Variants in PLEC observed in about 807,000 individuals in gnomAD.
The protein encoded by PLEC is plectin.
In PLEC, 216 loss-of-function variants were observed where a neutral mutation model predicts 392.8. The observed-to-expected ratio is 0.55, with a 90% confidence interval of 0.49 to 0.62. The LOEUF is 0.62. Ranked by LOEUF, PLEC falls within the 20% of genes least tolerant of loss-of-function variation. The probability of loss-of-function intolerance (pLI) is 0.00; values close to 1 mark genes in which losing one functional copy is unlikely to be tolerated. For missense variants in PLEC, 6,863 were observed against 6,563.4 expected, an observed-to-expected ratio of 1.05 and a Z score of -1.58; for synonymous variants, 3,621 against 2,980.6, an observed-to-expected ratio of 1.21 and a Z score of -7.00.
upstream of PLEC, chr8:143,958,467 C>A: frequency 3.2e-6 from 1 of 315,906 alleles, no homozygotes; most frequent in South Asian, 2.4e-5. The surrounding 1 kb of genome is among the most constrained non-coding windows in gnomAD (Gnocchi z 4.9). Flanking sequence ...CATGACCATC[C>A]ATTAGGGGGC....
rs782389830 is a variant in PLEC at position 143,925,646 on chromosome 8, C to T, written c.4283G>A (p.Ser1428Asn). 9 of 1,585,168 alleles carry T rather than the reference C, an allele frequency of 5.7e-6. No homozygotes were observed. The South Asian group carries it at 1.0e-4, about 18-fold the overall frequency. The part of the protein sequence containing the change: ...IQEELQQLRQ[S>N]SEAEIQAKAR... ...CTTGGCCTGGATCTCCGCCTCCGAG[C>T]TCTGCCGCAGCTGCTGCAGCTCCTC... The change falls in exon 31 of 32, where the codon AGC becomes AAC. Residue 1428 changes from serine to asparagine, a missense_variant. Transcript: ENST00000345136.
At position 143,919,792 on chromosome 8, in the gene PLEC, C is replaced by A; in HGVS notation, c.10029G>T (p.Glu3343Asp). The A allele has an allele frequency of 6.2e-7, 1 of 1,612,806 alleles. No individual in the cohort carries two copies. Residue 3343 changes from glutamate (E) to aspartate (D), a missense_variant, in exon 32 of 32, where the codon GAG (glutamate) becomes GAT (aspartate). Coordinates refer to ENST00000345136, the MANE Select transcript of PLEC (RefSeq NM_201384.3). ...DGKTTVKDLS[E>D]LGSVRTLLQG... ...GCAGCAGCGTCCGCACGGAGCCCAG[C>A]TCCGAAAGGTCCTTGACCGTCGTCT... is the stretch of plus-strand genomic sequence containing the variant.
In PLEC at chr8:143,919,111, T is replaced by C. The variant is rs952445251; in HGVS notation, c.10710A>G (p.Thr3570=). ...TGCCGCCGCCGGGAATGTCGATCTG[T>C]GTCTCTTCAAATGCCCTTCTTGTCT... ...EEETRRAFEE[T]QIDIPGGGSH... is the part of the protein sequence containing the mutation. Residue 3570 remains threonine, a synonymous_variant, in exon 32 of 32, where the codon ACA becomes ACG. Coordinates refer to ENST00000345136, the MANE Select transcript of PLEC (RefSeq NM_201384.3). The C allele has an allele frequency of 2.5e-6, 4 of 1,612,724 alleles. No individual in the cohort carries two copies. The African/African-American group carries it at 5.3e-5, about 22-fold the overall frequency.
chr8:143,929,594 TCCACCGC>T (rs1826478921), intron 23 of PLEC, 23 bp from the exon 24 acceptor site: 1 of 1,611,520 alleles, frequency 6.2e-7, no homozygotes. Context: ...TGTGGGTCAC[TCCACCGC>T]CCACCTCGCA....
rs200686790 is a variant in PLEC at position 143,930,294 on chromosome 8, G to C, written c.2462C>G (p.Thr821Ser). The C allele has an allele frequency of 6.2e-7, 1 of 1,602,512 alleles. No homozygotes were observed. Among genetic ancestry groups the C allele is most frequent in the Non-Finnish European group, 8.5e-7 (1 of 1,178,508 alleles). The change falls in exon 21 of 32, where the codon ACT becomes AGT. Residue 821 changes from threonine (T) to serine (S), a missense_variant. By Grantham distance (58) the Thr-to-Ser change is moderately conservative. Coordinates refer to ENST00000345136, the MANE Select transcript of PLEC (RefSeq NM_201384.3). ...CTGGCACTCGTCACCCTTGTGCACA[G>C]TCACCTGGGACGGGCAGAGTCGGTG... Reference protein sequence around the residue: ...AVCDYKQVEVTVHKGDECQLV... With the variant: ...AVCDYKQVEVSVHKGDECQLV...
chr8:143,951,896 C>T (rs1222607557), upstream of PLEC, among the ~76,000 whole-genome samples: 2 of 152,142 alleles, frequency 1.3e-5, no homozygotes, highest in Admixed American at 6.5e-5. Context: ...TGCTGCCGCC[C>T]CCACTGAGGG....
upstream of PLEC, among the ~76,000 whole-genome samples, chr8:143,939,764 C>T (rs1554727204): frequency 6.6e-6 from 1 of 152,176 alleles, no homozygotes; most frequent in Admixed American, 6.5e-5. Flanking sequence ...AACAGGAAAC[C>T]GGGGTTTCCT....
intron 1 of PLEC, chr8:143,945,392 A>G (rs573726816): frequency 6.6e-4 from 212 of 322,884 alleles, no homozygotes; most frequent in African/African-American, 4.0e-3. Context: ...TGGGTCAGAG[A>G]GCCGGGCCAC....
In PLEC at chr8:143,921,838, G is replaced by T. The variant is rs376058402; in HGVS notation, c.7983C>A (p.Ala2661=). 2.5e-6 allele frequency: 4 copies of T among 1,605,830 alleles called. No individual in the cohort carries two copies. ...GCAGCTCCTCCGCACTCAGGATGCC[G>T]GCCTCCTGCAGCCTCTGAGCTGACA... is the stretch of plus-strand genomic sequence containing the variant. ...RKVSAQRLQE[A]GILSAEELQR... The change falls in exon 32 of 32, where the codon GCC becomes GCA. Residue 2661 remains alanine (A), a synonymous_variant. Coordinates refer to ENST00000345136, the MANE Select transcript of PLEC (RefSeq NM_201384.3).
intron 1 of PLEC, chr8:143,950,058 G>A (rs1554734734): frequency 4.8e-6 from 6 of 1,254,150 alleles, no homozygotes. Context: ...GCCACCTGCT[G>A]GTGTGAGCGA....
At chr8:143,931,748 CT>C in intron 18 of PLEC, 89 bp from the exon 19 acceptor site, 1 of 1,546,708 alleles carries the variant, frequency 6.5e-7, no homozygotes, top group Non-Finnish European at 8.7e-7. Flanking sequence ...GACGGGGGCA[CT>C]GAGGAAGGAG....
upstream of PLEC, among the ~76,000 whole-genome samples, chr8:143,974,206 G>A (rs1022750774): frequency 1.2e-4 from 18 of 152,218 alleles, no homozygotes; most frequent in African/African-American, 4.3e-4. The surrounding 1 kb of genome is among the most constrained non-coding windows in gnomAD (Gnocchi z 5.9). Flanking sequence ...GCAGAGCCCC[G>A]GCGCGGAAGG....
chr8:143,973,517 C>T lies in PLEC; in HGVS notation c.-45G>A, dbSNP rs1833543376. 7.6e-6 allele frequency: 10 copies of T among 1,323,814 alleles called. No individual in the cohort carries two copies. The highest frequency in any genetic ancestry group is 3.4e-5 in the East Asian group (1 of 29,636). 82.0% of individuals were successfully genotyped at this position (1,323,814 alleles called of 1,614,324 possible). A position where few individuals can be genotyped will look rare whatever the true frequency, so the allele number is the denominator to read the frequency against. ...GGGGTGCAGCGGAGCCTCCAGCACC[C>T]GGCGGCCACTCTGTCCCCGCGGCCG... On this transcript the variant is annotated 5_prime_UTR_variant, in exon 1 of 32. Coordinates refer to the PLEC transcript ENST00000356346. This position sits in a 1 kb window ranked among gnomAD's most constrained non-coding sequence, Gnocchi z 5.6.
chr8:143,937,866 G>A (rs990283991), intron 3 of PLEC: 18 of 619,884 alleles, frequency 2.9e-5, no homozygotes, highest in Admixed American at 2.8e-4. Context: ...AAAGCAAAGC[G>A]GAGCATGAGG....
At position 143,925,219 on chromosome 8, in the gene PLEC, C is replaced by T. The variant is rs781978267; in HGVS notation, c.4710G>A (p.Ala1570=). 5.9e-5 allele frequency: 94 copies of T among 1,587,816 alleles called. No individual in the cohort carries two copies. In the East Asian group the frequency reaches 1.0e-3, roughly 17 times the overall value. Residue 1570 remains alanine, a synonymous_variant, in exon 31 of 32, where the codon GCG becomes GCA. Coordinates refer to ENST00000345136, the MANE Select transcript of PLEC (RefSeq NM_201384.3). ...ARQVQVALET[A]QRSAEAELQS... is the part of the protein sequence containing the mutation. ...GCAGCTCCGCCTCTGCACTGCGCTG[C>T]GCCGTCTCCAGGGCCACCTGTACCT...
At chr8:143,974,951 A>G (rs1490178144), upstream of PLEC, among the ~76,000 whole-genome samples, 2 of 152,302 alleles carry the variant, frequency 1.3e-5, no homozygotes, top group Non-Finnish European at 2.9e-5. The surrounding 1 kb of genome is among the most constrained non-coding windows in gnomAD (Gnocchi z 5.9). Context: ...TCAAGGATGG[A>G]CGCCGCGGCA....
In PLEC at chr8:143,917,573, G is replaced by A; in HGVS notation, c.12248C>T (p.Pro4083Leu). Residue 4083 changes from proline to leucine, a missense_variant, in exon 32 of 32, where the codon CCC (proline) becomes CTC (leucine). Pro to Leu is a moderately conservative substitution (Grantham distance 98). Coordinates refer to ENST00000345136, the MANE Select transcript of PLEC (RefSeq NM_201384.3). ...AAAGAAGCCCTTGGTGTCGTCCGAG[G>A]GGTCGGTCAGGATCTCGTTCATCTC... ...DEEMNEILTD[P>L]SDDTKGFFDP... The A allele has an allele frequency of 6.2e-7, 1 of 1,613,940 alleles. No homozygotes were observed. Among genetic ancestry groups the A allele is most frequent in the East Asian group, 2.2e-5 (1 of 44,872 alleles).
At position 143,973,226 on chromosome 8, in the gene PLEC, G is replaced by A. The variant is rs892440131; in HGVS notation, c.70+177C>T. 6.7e-6 allele frequency among the ~76,000 whole-genome samples: 1 copy of A among 148,382 alleles called. No individual in the cohort carries two copies. The highest frequency in any genetic ancestry group is 2.5e-5 in the African/African-American group (1 of 40,742). Reference sequence around the variant, plus strand: ...AAGGGCATGGCCTCGGGGGCTCAGCGGAGCGAGTCCTCCCCTTCCCTAGGC... The same window carrying A: ...AAGGGCATGGCCTCGGGGGCTCAGCAGAGCGAGTCCTCCCCTTCCCTAGGC... On this transcript the variant is annotated intron_variant, in intron 1 of 31. Transcript: ENST00000356346. This position sits in a 1 kb window ranked among gnomAD's most constrained non-coding sequence, Gnocchi z 5.6.
Position 143,930,451 on chromosome 8 carries a change from C to CGG in PLEC, c.2388_2389dup (p.Arg797ProfsTer25), listed in dbSNP as rs1826887060. On this transcript the variant is annotated frameshift_variant, in exon 20 of 32. Transcript: ENST00000345136. LOFTEE classifies it high-confidence loss of function. The stretch of plus-strand genomic sequence containing the variant: ...GCCCCGCATGGGGTGGGCTGGGTGG[C>CGG]GGGGCTTCAGCTGCACGACGGCCTT... 1 of 1,578,884 alleles carries CGG rather than the reference C, an allele frequency of 6.3e-7. No homozygotes were observed. The highest frequency in any genetic ancestry group is 1.3e-5 in the African/African-American group (1 of 74,096).
Sources: allele counts gnomAD v4.1 joint callset (sites outside exome capture counted in the v4.1 genomes callset), GRCh38; gene constraint gnomAD v4.1.1; non-coding constraint Gnocchi (gnomAD v3.1); transcripts MANE v1.5; gene names NCBI Gene and HGNC (gene_info 2026-07-23, HGNC 2026-07-21).